Variants in DHRS2 observed in about 807,000 individuals in gnomAD.
DHRS2 encodes the protein dehydrogenase/reductase 2.
DHRS2 carries 29 observed loss-of-function variants against 26.3 expected under a neutral mutation model. The observed-to-expected ratio is 1.10, with a 90% CI of 0.82 to 1.50. DHRS2 has a LOEUF of 1.50. DHRS2 is among the 40% of genes most tolerant of loss of function. The pLI, the probability that DHRS2 is intolerant of heterozygous loss-of-function variation, is 0.00. For synonymous variants in DHRS2, 164 were observed against 151.3 expected (o/e 1.08, Z -0.62); for missense variants, 439 against 367.1 (o/e 1.20, Z -1.60).
In DHRS2 at chr14:23,644,074, C is replaced by T. The variant is rs775572026; in HGVS notation, c.489-37C>T. 2.5e-6 allele frequency: 4 copies of T among 1,609,596 alleles called. No homozygotes were observed. The Admixed American group carries it at 5.0e-5, about 20-fold the overall frequency. On this transcript the variant is annotated intron_variant, in intron 5 of 8. Coordinates refer to ENST00000250383, the MANE Select transcript of DHRS2 (RefSeq NM_005794.4). ...ATAGTGTCACCATCAGTGGTAAGCT[C>T]TTAGCTTCAGCTTCTCTTATGTTTG...
At chr14:23,644,744 G>A in intron 7 of DHRS2, 83 bp from the exon 8 acceptor site, 1 of 1,530,172 alleles carries the variant, frequency 6.5e-7, no homozygotes, top group South Asian at 1.1e-5. Flanking sequence ...AGCTGCCCTA[G>A]GTGTTCTGCC....
rs1012609169 is a variant in DHRS2 at position 23,638,782 on chromosome 14, C to T, written c.-38-45C>T. 4 of 1,524,568 alleles carry T rather than the reference C, an allele frequency of 2.6e-6. No homozygotes were observed. In the African/African-American group the frequency reaches 5.5e-5, roughly 21 times the overall value. 94.4% of individuals were successfully genotyped at this position (1,524,568 alleles called of 1,614,324 possible). A position where few individuals can be genotyped will look rare whatever the true frequency, so the allele number is the denominator to read the frequency against. Reference sequence around the variant, plus strand: ...AGGAGGAGGGTAGATTACCTTCATGCTCACTGAGGCATCAGTGATAAGTGA... The same window carrying T: ...AGGAGGAGGGTAGATTACCTTCATGTTCACTGAGGCATCAGTGATAAGTGA... On this transcript the variant is annotated intron_variant, in intron 1 of 8. Transcript: ENST00000250383.
upstream of DHRS2, among the ~76,000 whole-genome samples, chr14:23,635,259 G>T (rs992214223): frequency 1.3e-5 from 2 of 152,102 alleles, no homozygotes; most frequent in African/African-American, 4.8e-5. Context: ...TCACCTTGTT[G>T]CCCAGGCTGG....
chr14:23,639,422 G>A, intron 3 of DHRS2, 66 bp downstream of exon 3: 1 of 1,482,438 alleles, frequency 6.7e-7, no homozygotes, highest in Non-Finnish European at 9.0e-7. Context: ...TCACTGCTTG[G>A]CCCTTGTGGG....
intron 4 of DHRS2, chr14:23,641,348 A>G (rs1890657018): frequency 8.7e-6 from 2 of 230,220 alleles, no homozygotes; most frequent in South Asian, 6.3e-5. Context: ...TACCAAAACC[A>G]CATCACCTCC....
At chr14:23,643,938 T>A (rs1206283173) in intron 5 of DHRS2, 173 bp from the exon 6 acceptor site, 1 of 660,728 alleles carries the variant, frequency 1.5e-6, no homozygotes, top group Non-Finnish European at 2.7e-6. Context: ...CTCTGCCGTG[T>A]ATTGGCTGGT....
At chr14:23,634,114 A>T (rs1451449521), upstream of DHRS2, among the ~76,000 whole-genome samples, 4 of 115,586 alleles carry the variant, frequency 3.5e-5, no homozygotes, top group African/African-American at 1.3e-4. Context: ...GTCACCCAGG[A>T]TGGAGTGCAG....
At chr14:23,637,459 G>T (rs372813140) in intron 1 of DHRS2, among the ~76,000 whole-genome samples, 11 of 152,110 alleles carry the variant, frequency 7.2e-5, no homozygotes, top group Non-Finnish European at 1.6e-4. Flanking sequence ...CTCAGAAATT[G>T]TATCCTTCCT....
At chr14:23,640,750 C>G (rs1242644797) in intron 4 of DHRS2, 1 of 152,468 alleles carries the variant, frequency 6.6e-6, no homozygotes, top group Non-Finnish European at 1.5e-5. Flanking sequence ...TCCCTTCTAT[C>G]TGCCCTTGGC....
At chr14:23,640,112 C>T (rs1428878250) in intron 4 of DHRS2, 1 of 708,990 alleles carries the variant, frequency 1.4e-6, no homozygotes, top group African/African-American at 1.9e-5. Context: ...ACACTTTCTG[C>T]TTTGTTTTCT....
chr14:23,642,463 G>A (rs530661973), intron 4 of DHRS2: 1 of 152,516 alleles, frequency 6.6e-6, no homozygotes, highest in African/African-American at 2.4e-5. Flanking sequence ...AAAGCTCAGA[G>A]AGACAAAAAA....
chr14:23,644,490 A>C lies in DHRS2; in HGVS notation c.622A>C (p.Ile208Leu). 1 of 1,614,238 alleles carries C rather than the reference A, an allele frequency of 6.2e-7. No individual in the cohort carries two copies. The highest frequency in any genetic ancestry group is 8.5e-7 in the Non-Finnish European group (1 of 1,180,042). ...GGCATTGGAGCTGGCCCCCAAGGACATCCGGGTAAACTGCGTGGTTCCAGG... is the reference window on the plus strand; with the variant it reads ...GGCATTGGAGCTGGCCCCCAAGGACCTCCGGGTAAACTGCGTGGTTCCAGG... Reference protein sequence around the residue: ...TLALELAPKDIRVNCVVPGII... With the variant: ...TLALELAPKDLRVNCVVPGII... The change falls in exon 7 of 9, where the codon ATC becomes CTC. Residue 208 changes from isoleucine to leucine, a missense_variant. Physicochemically the swap from Ile to Leu is conservative, Grantham distance 5. Coordinates refer to ENST00000250383, the MANE Select transcript of DHRS2 (RefSeq NM_005794.4).
chr14:23,637,726 A>G (rs776490143), intron 1 of DHRS2, among the ~76,000 whole-genome samples: 27 of 152,202 alleles, frequency 1.8e-4, no homozygotes, highest in Non-Finnish European at 3.8e-4. Context: ...TGTCTAGCTA[A>G]TCAGGTGGGG....
upstream of DHRS2, among the ~76,000 whole-genome samples, chr14:23,631,531 C>G (rs140110318): frequency 2.0e-4 from 31 of 151,886 alleles, no homozygotes; most frequent in Non-Finnish European, 4.3e-4. Context: ...CTCCTCTAAT[C>G]TTTGTTTTCT....
chr14:23,640,266 C>G, intron 4 of DHRS2: 2 of 990,296 alleles, frequency 2.0e-6, no homozygotes, highest in Non-Finnish European at 2.4e-6. Flanking sequence ...ATGGTACACC[C>G]TTTTGTAGGG....
At chr14:23,637,629 C>G (rs188885377) in intron 1 of DHRS2, among the ~76,000 whole-genome samples, 1 of 152,086 alleles carries the variant, frequency 6.6e-6, no homozygotes, top group African/African-American at 2.4e-5. Context: ...AACAGGTTTT[C>G]GAGAATGCGT....
Position 23,636,461 on chromosome 14 carries a change from C to G in DHRS2, c.-350C>G, listed in dbSNP as rs576991713. ...TGCTCACTCGTTGGGTCCGTGCCAC[C>G]TTTAAGAGCTGTAACACTCACCGCG... On this transcript the variant is annotated 5_prime_UTR_variant, in exon 1 of 9. Transcript: ENST00000250383. 1 of 152,182 alleles carries G rather than the reference C, an allele frequency of 6.6e-6. No homozygotes were observed. The highest frequency in any genetic ancestry group is 1.5e-5 in the Non-Finnish European group (1 of 68,070). The allele number at this position is 152,182 out of a possible 1,614,324, so 9.4% of individuals were successfully genotyped here.
At position 23,645,379 on chromosome 14, in the gene DHRS2, C is replaced by T. The variant is rs962915139; in HGVS notation, c.*126C>T. 43 of 1,578,030 alleles carry T rather than the reference C, an allele frequency of 2.7e-5. No individual in the cohort carries two copies. The highest frequency in any genetic ancestry group is 2.1e-4 in the Middle Eastern group (1 of 4,700). The stretch of plus-strand genomic sequence containing the variant: ...CAGACTAGCAATTTGGGGGCTTACT[C>T]ATGCTAGGCTTGAGGAAGAAGAAAA... On this transcript the variant is annotated 3_prime_UTR_variant, in exon 9 of 9. Transcript: ENST00000250383.
rs1177292039 is a variant in DHRS2, at chr14:23,645,439, G to A, written c.*186G>A. 12 of 1,267,608 alleles carry A rather than the reference G, an allele frequency of 9.5e-6. No individual in the cohort carries two copies. Among genetic ancestry groups the A allele is most frequent in the Middle Eastern group, 2.8e-4 (1 of 3,600 alleles). The allele number at this position is 1,267,608 out of a possible 1,614,324, so 78.5% of individuals were successfully genotyped here. ...CATTCTCCTTAGGACTTATCTGCTT[G>A]TAGATTTGGCTGATCCAATTAACAT... is the stretch of plus-strand genomic sequence containing the variant. On this transcript the variant is annotated 3_prime_UTR_variant, in exon 9 of 9. Coordinates refer to ENST00000250383, the MANE Select transcript of DHRS2 (RefSeq NM_005794.4).
Sources: gnomAD v4.1 joint callset for allele counts (sites outside exome capture counted in the v4.1 genomes callset) on GRCh38, gnomAD v4.1.1 for gene constraint, MANE v1.5 for transcripts, NCBI Gene and HGNC (gene_info 2026-07-23, HGNC 2026-07-21) for gene names.